RANGAP1: variants seen among roughly 807,000 people sequenced by gnomAD.
RANGAP1 encodes the protein Ran GTPase activating protein 1, also known as ran GTPase-activating protein 1.
A neutral mutation model predicts 63.5 loss-of-function variants in RANGAP1; 38 were observed. That is an observed-to-expected ratio of 0.60 (90% CI 0.46 to 0.78). RANGAP1 has a LOEUF of 0.78. Among genes scored for constraint, RANGAP1 ranks in the 30% least tolerant of loss-of-function variants. The pLI is 0.00. For missense variants in RANGAP1, 630 were observed against 740.3 expected (o/e 0.85, Z 1.73); for synonymous variants, 329 against 310.5 (o/e 1.06, Z -0.63).
At chr22:41,259,163 C>T (rs1484649232) in intron 6 of RANGAP1, among the ~76,000 whole-genome samples, 1 of 152,122 alleles carries the variant, frequency 6.6e-6, no homozygotes, top group Admixed American at 6.6e-5. Context: ...TCCCATCGGC[C>T]CCTGAGCTTT....
Position 41,256,014 on chromosome 22 carries a change from TC to T in RANGAP1, c.1073+6del. 1 of 1,612,732 alleles carries T rather than the reference TC, an allele frequency of 6.2e-7. No individual in the cohort carries two copies. Among genetic ancestry groups the T allele is most frequent in the African/African-American group, 1.3e-5 (1 of 74,988 alleles). On this transcript the variant is annotated splice_donor_region_variant and intron_variant, in intron 10 of 15. Coordinates refer to ENST00000356244, the MANE Select transcript of RANGAP1 (RefSeq NM_002883.4). ...CCCGACCTCTGGGGCCACCCCGAGTTCCCTACCTGAGGGACGCCAGCACCTT... is the reference window on the plus strand; with the variant it reads ...CCCGACCTCTGGGGCCACCCCGAGTTCCTACCTGAGGGACGCCAGCACCTT...
At chr22:41,269,474 C>T (rs930338746) in intron 3 of RANGAP1, among the ~76,000 whole-genome samples, 1 of 152,102 alleles carries the variant, frequency 6.6e-6, no homozygotes, top group African/African-American at 2.4e-5. Flanking sequence ...GTGGCTCACA[C>T]CTGTAATCCC....
chr22:41,268,277 C>T (rs955723251), intron 3 of RANGAP1, 121 bp from the exon 4 acceptor site: 20 of 825,386 alleles, frequency 2.4e-5, no homozygotes, highest in South Asian at 6.3e-5. Context: ...TTTTTTGAGA[C>T]GGAGTTTCGC....
chr22:41,302,323 C>G, the RANGAP1 span, among the ~76,000 whole-genome samples: 2 of 151,638 alleles, frequency 1.3e-5, no homozygotes, highest in Non-Finnish European at 2.9e-5. This position sits in a 1 kb window ranked among gnomAD's most constrained non-coding sequence, Gnocchi z 5.7. Context: ...GCTGCGGCGG[C>G]CACGCGAGCC....
chr22:41,281,414 A>G, intron 1 of RANGAP1: 1 of 1,010,470 alleles, frequency 9.9e-7, no homozygotes, highest in Non-Finnish European at 1.2e-6. Context: ...AATGGCAGTC[A>G]AGTCCCAAAC....
chr22:41,287,703 C>T (rs1039635403), upstream of RANGAP1, among the ~76,000 whole-genome samples: 2 of 151,886 alleles, frequency 1.3e-5, no homozygotes, highest in East Asian at 1.9e-4. Context: ...ACAGATCATG[C>T]AGGCTGGGCG....
At chr22:41,298,372 T>C in the RANGAP1 span, among the ~76,000 whole-genome samples, 1 of 151,682 alleles carries the variant, frequency 6.6e-6, no homozygotes, top group Non-Finnish European at 1.5e-5. Flanking sequence ...TGGAGTGCAA[T>C]GGCGCGATCT....
At chr22:41,300,288 G>C in the RANGAP1 span, among the ~76,000 whole-genome samples, 1 of 151,680 alleles carries the variant, frequency 6.6e-6, no homozygotes, top group Non-Finnish European at 1.5e-5. Context: ...TTGCCATCTA[G>C]TTCACTTGAG....
intron 6 of RANGAP1, 146 bp from the exon 7 acceptor site, chr22:41,258,252 T>A: frequency 1.2e-6 from 1 of 855,888 alleles, no homozygotes; most frequent in Non-Finnish European, 1.7e-6. Context: ...GGGGCATGGC[T>A]GCATCTAACT....
At position 41,261,634 on chromosome 22, in the gene RANGAP1, G is replaced by A. The variant is rs77083012; in HGVS notation, c.481-54C>T. Reference sequence around the variant, plus strand: ...ATGGGCAGGAGCCCCTTCTCCCAGCGGGGTGGCCACTGCTGCTGAACTGCT... The same window carrying A: ...ATGGGCAGGAGCCCCTTCTCCCAGCAGGGTGGCCACTGCTGCTGAACTGCT... On this transcript the variant is annotated intron_variant, in intron 5 of 15. Coordinates refer to ENST00000356244, the MANE Select transcript of RANGAP1 (RefSeq NM_002883.4). 4,646 of 1,610,862 alleles carry A rather than the reference G, an allele frequency of 2.9e-3. 119 individuals carry two copies. In the African/African-American group the frequency reaches 0.056, roughly 19 times the overall value.
At chr22:41,288,476 T>C (rs1369268731), upstream of RANGAP1, among the ~76,000 whole-genome samples, 5 of 152,230 alleles carry the variant, frequency 3.3e-5, no homozygotes, top group Non-Finnish European at 7.3e-5. Flanking sequence ...GATGTTTGCT[T>C]AAAATGAGTC....
chr22:41,287,999 A>T (rs6002312), upstream of RANGAP1, among the ~76,000 whole-genome samples: 59,457 of 150,504 alleles, frequency 0.4, 12,012 homozygotes, highest in Middle Eastern at 0.43. Flanking sequence ...ATAAATAAAT[A>T]AATTAATTAA....
intron 15 of RANGAP1, among the ~76,000 whole-genome samples, chr22:41,247,734 G>T (rs80345734): frequency 0.016 from 2,416 of 152,360 alleles, 59 homozygotes; most frequent in African/African-American, 0.056. Context: ...GGCAAGTGCG[G>T]GACGCAGCCA....
intron 4 of RANGAP1, among the ~76,000 whole-genome samples, chr22:41,267,844 T>C (rs938100999): frequency 4.6e-5 from 7 of 151,700 alleles, no homozygotes; most frequent in African/African-American, 1.7e-4. Context: ...GACCCAGGAG[T>C]GCATGGTCTC....
chr22:41,291,062 G>A (rs2035833112), upstream of RANGAP1, among the ~76,000 whole-genome samples: 2 of 152,196 alleles, frequency 1.3e-5, no homozygotes, highest in Non-Finnish European at 2.9e-5. Flanking sequence ...CAAACCAAGG[G>A]CATCCCACTA....
chr22:41,285,786 C>G, intron 1 of RANGAP1, 200 bp downstream of exon 1: 1 of 831,978 alleles, frequency 1.2e-6, no homozygotes, highest in Non-Finnish European at 1.4e-6. Context: ...CTTTAAGCCT[C>G]AGTTTCCCCA....
chr22:41,289,267 G>A (rs1217655429), upstream of RANGAP1, among the ~76,000 whole-genome samples: 1 of 151,950 alleles, frequency 6.6e-6, no homozygotes. Context: ...GGAGACTGGG[G>A]TTTGAAAAGG....
intron 11 of RANGAP1, among the ~76,000 whole-genome samples, chr22:41,253,366 C>T (rs574817766): frequency 3.9e-5 from 6 of 152,204 alleles, no homozygotes; most frequent in Non-Finnish European, 8.8e-5. Flanking sequence ...CCTGCTAGCA[C>T]CAGAGGTGCC....
At chr22:41,299,527 C>T in the RANGAP1 span, among the ~76,000 whole-genome samples, 1 of 152,028 alleles carries the variant, frequency 6.6e-6, no homozygotes, top group African/African-American at 2.4e-5. Flanking sequence ...CCTTGGCGTC[C>T]CAAAGTGCTA....
Sources: allele counts gnomAD v4.1 joint callset (sites outside exome capture counted in the v4.1 genomes callset), GRCh38; gene constraint gnomAD v4.1.1; non-coding constraint Gnocchi (gnomAD v3.1); transcripts MANE v1.5; gene names NCBI Gene and HGNC (gene_info 2026-07-23, HGNC 2026-07-21).